The following FGF2 variants were observed in gnomAD, a reference collection of about 807,000 sequenced individuals.
FGF2 encodes the protein fibroblast growth factor 2.
Under a neutral mutation model 15.9 loss-of-function variants are expected in FGF2, and 13 were observed. The ratio of observed to expected loss-of-function variants is 0.82; its 90% confidence interval spans 0.53 to 1.30. The LOEUF (loss-of-function observed/expected upper bound fraction) is 1.30, where lower values mean the gene tolerates loss of function less well. Ranked by LOEUF, FGF2 falls within the 50% of genes most tolerant of loss-of-function variation. FGF2 has a pLI of 0.00. For synonymous variants in FGF2, 90 were observed against 78.4 expected, an observed-to-expected ratio of 1.15 and a Z score of -0.78; for missense variants, 163 against 196.9, an observed-to-expected ratio of 0.83 and a Z score of 1.03.
In FGF2 at chr4:122,827,220, G is replaced by A; in HGVS notation, c.46G>A (p.Gly16Ser). ...ITTLPALPED[G>S]GSGAFPPGHF... ...CACGCTGCCCGCCTTGCCCGAGGAT[G>A]GCGGCAGCGGCGCCTTCCCGCCCGG... The change falls in exon 1 of 3, where the codon GGC becomes AGC. Residue 16 changes from glycine (G) to serine (S), a missense_variant. By Grantham distance (56) the Gly-to-Ser change is moderately conservative. Coordinates refer to ENST00000644866, the MANE Select transcript of FGF2 (RefSeq NM_001361665.2). The surrounding 1 kb of genome is among the most constrained non-coding windows in gnomAD (Gnocchi z 4.2). 1.2e-6 allele frequency: 2 copies of A among 1,610,686 alleles called. No homozygotes were observed. Among genetic ancestry groups the A allele is most frequent in the South Asian group, 2.2e-5 (2 of 90,878 alleles).
At chr4:122,891,447 T>C (rs1727186916) in intron 2 of FGF2, among the ~76,000 whole-genome samples, 1 of 145,322 alleles carries the variant, frequency 6.9e-6, no homozygotes, top group South Asian at 2.2e-4. Flanking sequence ...TTTTGATAAA[T>C]AGTTGAATTG....
At chr4:122,871,301 T>G (rs1726726398) in intron 1 of FGF2, among the ~76,000 whole-genome samples, 1 of 152,120 alleles carries the variant, frequency 6.6e-6, no homozygotes, top group Non-Finnish European at 1.5e-5. Flanking sequence ...TTCTATTGAT[T>G]TGGGGTAGAG....
chr4:122,868,493 A>G (rs1308430419), intron 1 of FGF2, among the ~76,000 whole-genome samples: 1 of 152,098 alleles, frequency 6.6e-6, no homozygotes, highest in African/African-American at 2.4e-5. Context: ...GTGTGTGTGT[A>G]CCACATTTTC....
At chr4:122,866,954 G>C (rs1168652469) in intron 1 of FGF2, among the ~76,000 whole-genome samples, 1 of 152,178 alleles carries the variant, frequency 6.6e-6, no homozygotes, top group Non-Finnish European at 1.5e-5. Flanking sequence ...CTGAATGAAT[G>C]AATCAAAGTC....
chr4:122,859,823 A>G (rs916959678), intron 1 of FGF2, among the ~76,000 whole-genome samples: 3 of 152,212 alleles, frequency 2.0e-5, no homozygotes, highest in African/African-American at 7.2e-5. Context: ...ACAGTTTAAC[A>G]TCTGCGGTTT....
At position 122,876,430 on chromosome 4, in the gene FGF2, C is replaced by T. The variant is rs1726847482; in HGVS notation, c.282+6C>T. 2 of 1,566,654 alleles carry T rather than the reference C, an allele frequency of 1.3e-6. No individual in the cohort carries two copies. The highest frequency in any genetic ancestry group is 1.8e-6 in the Non-Finnish European group (2 of 1,136,890). ...ATGGAAGATTACTGGCTTCTGTAAG[C>T]ATACTTTCTGTTTTCACACGTTTTT... On this transcript the variant is annotated splice_donor_region_variant and intron_variant, in intron 2 of 2. Coordinates refer to ENST00000644866, the MANE Select transcript of FGF2 (RefSeq NM_001361665.2).
intron 1 of FGF2, among the ~76,000 whole-genome samples, chr4:122,862,513 C>T (rs935394475): frequency 1.3e-5 from 2 of 152,176 alleles, no homozygotes; most frequent in Non-Finnish European, 2.9e-5. Context: ...TGCCAATGAT[C>T]TGAACACTTG....
In FGF2 at chr4:122,841,590, A is replaced by T. The variant is rs188749908; in HGVS notation, c.178+14238A>T. On this transcript the variant is annotated intron_variant, in intron 1 of 2. Transcript: ENST00000644866. ...AAACTGGAATTATGCTTTTCCTCTA[A>T]AAGAAAAAAAATAAAGGTGATATAG... Among the ~76,000 whole-genome samples, 46 of 152,364 alleles carry T rather than the reference A, an allele frequency of 3.0e-4. No homozygotes were observed. In the East Asian group the frequency reaches 7.5e-3, roughly 25 times the overall value.
chr4:122,879,401 T>C (rs1002535782), intron 2 of FGF2, among the ~76,000 whole-genome samples: 2 of 152,072 alleles, frequency 1.3e-5, no homozygotes, highest in Non-Finnish European at 1.5e-5. Flanking sequence ...ACAGTGAGGG[T>C]GGTAGAGGAA....
intron 1 of FGF2, among the ~76,000 whole-genome samples, chr4:122,865,277 T>A (rs308386): frequency 1.5e-4 from 22 of 151,628 alleles, no homozygotes; most frequent in Non-Finnish European, 3.1e-4. Flanking sequence ...CTCTGTTTTT[T>A]TTTGTTTGTT....
Position 122,827,079 on chromosome 4 carries a change from C to T in FGF2, c.-96C>T, listed in dbSNP as rs1725653104. 3 of 1,144,412 alleles carry T rather than the reference C, an allele frequency of 2.6e-6. No homozygotes were observed. The highest frequency in any genetic ancestry group is 1.1e-6 in the Non-Finnish European group (1 of 933,130). 70.9% of individuals were successfully genotyped at this position (1,144,412 alleles called of 1,614,324 possible). A position where few individuals can be genotyped will look rare whatever the true frequency, so the allele number is the denominator to read the frequency against. On this transcript the variant is annotated 5_prime_UTR_variant, in exon 1 of 3. Coordinates refer to ENST00000644866, the MANE Select transcript of FGF2 (RefSeq NM_001361665.2). This position sits in a 1 kb window ranked among gnomAD's most constrained non-coding sequence, Gnocchi z 4.2. Reference sequence around the variant, plus strand: ...GGGGGGCCGGGGCCGGGGCCGTGCCCCGGAGCGGGTCGGAGGCCGGGGCCG... The same window carrying T: ...GGGGGGCCGGGGCCGGGGCCGTGCCTCGGAGCGGGTCGGAGGCCGGGGCCG...
chr4:122,830,179 T>G (rs1046589113), intron 1 of FGF2, among the ~76,000 whole-genome samples: 1 of 152,140 alleles, frequency 6.6e-6, no homozygotes, highest in Non-Finnish European at 1.5e-5. Context: ...ATTTTAACAT[T>G]TAGTATGGAT....
chr4:122,868,153 C>CT (rs1047595594), intron 1 of FGF2, among the ~76,000 whole-genome samples: 3 of 151,952 alleles, frequency 2.0e-5, no homozygotes, highest in Non-Finnish European at 1.5e-5. Flanking sequence ...TGCTATTTTT[C>CT]TTTTTTTAAA....
Position 122,827,039 on chromosome 4 carries a change from G to T in FGF2, c.-136G>T. 8.7e-7 allele frequency: 1 copy of T among 1,155,268 alleles called. No individual in the cohort carries two copies. The highest frequency in any genetic ancestry group is 1.1e-6 in the Non-Finnish European group (1 of 939,526). 71.6% of individuals were successfully genotyped at this position (1,155,268 alleles called of 1,614,324 possible). On this transcript the variant is annotated 5_prime_UTR_variant, in exon 1 of 3. Coordinates refer to ENST00000644866, the MANE Select transcript of FGF2 (RefSeq NM_001361665.2). This position sits in a 1 kb window ranked among gnomAD's most constrained non-coding sequence, Gnocchi z 4.2. ...GGGACCGCGGGCGCGGCCGCGCGCT[G>T]CCGGGCGGGAGGCTGGGGGGCCGGG...
chr4:122,877,378 G>A (rs1402181345), intron 2 of FGF2, among the ~76,000 whole-genome samples: 1 of 152,184 alleles, frequency 6.6e-6, no homozygotes, highest in Non-Finnish European at 1.5e-5. Flanking sequence ...CTCCCAAAGT[G>A]CTGGGATTAT....
At chr4:122,854,642 C>T (rs1212983872) in intron 1 of FGF2, among the ~76,000 whole-genome samples, 1 of 152,162 alleles carries the variant, frequency 6.6e-6, no homozygotes, top group Admixed American at 6.5e-5. Context: ...CTAAGTCCAC[C>T]CAGCATATGT....
intron 1 of FGF2, among the ~76,000 whole-genome samples, chr4:122,833,727 A>G (rs561494187): frequency 6.6e-6 from 1 of 152,324 alleles, no homozygotes; most frequent in South Asian, 2.1e-4. Flanking sequence ...CATGAGGCAT[A>G]TGCTGTATAA....
chr4:122,867,892 A>G (rs997587756), intron 1 of FGF2, among the ~76,000 whole-genome samples: 3 of 152,168 alleles, frequency 2.0e-5, no homozygotes, highest in African/African-American at 4.8e-5. Flanking sequence ...TGGTTATACT[A>G]CTTGCCTTCA....
At chr4:122,860,446 A>ATTT in intron 1 of FGF2, among the ~76,000 whole-genome samples, 3 of 86,912 alleles carry the variant, frequency 3.5e-5, no homozygotes, top group Non-Finnish European at 5.6e-5. Flanking sequence ...CCTAAGGTTA[A>ATTT]CTTTTTTTTT....
Sources: allele counts gnomAD v4.1 joint callset (sites outside exome capture counted in the v4.1 genomes callset), GRCh38; gene constraint gnomAD v4.1.1; non-coding constraint Gnocchi (gnomAD v3.1); transcripts MANE v1.5; gene names NCBI Gene and HGNC (gene_info 2026-07-23, HGNC 2026-07-21).